FBXW11: variants seen among roughly 807,000 people sequenced by gnomAD.
FBXW11 encodes the protein F-box/WD repeat-containing protein 11.
A neutral mutation model predicts 77.6 loss-of-function variants in FBXW11; 19 were observed. The observed-to-expected ratio is 0.24, with a 90% CI of 0.17 to 0.36. The LOEUF (loss-of-function observed/expected upper bound fraction) is 0.36. Ranked by LOEUF, FBXW11 falls within the 10% of genes least tolerant of loss-of-function variation. The probability of loss-of-function intolerance (pLI) is 1.00; values close to 1 mark genes in which losing one functional copy is unlikely to be tolerated. For missense variants in FBXW11, 334 were observed against 704.2 expected, an observed-to-expected ratio of 0.47 and a Z score of 5.95; for synonymous variants, 235 against 249.4, an observed-to-expected ratio of 0.94 and a Z score of 0.54.
chr5:171,901,758 GT>G (rs1279929144), intron 4 of FBXW11, among the ~76,000 whole-genome samples: 8 of 152,176 alleles, frequency 5.3e-5, no homozygotes, highest in Admixed American at 5.2e-4. Context: ...TGCACAGCTA[GT>G]TGGAAAGGTG....
chr5:171,891,046 A>C (rs2113841990), intron 7 of FBXW11, among the ~76,000 whole-genome samples: 1 of 152,350 alleles, frequency 6.6e-6, no homozygotes, highest in Non-Finnish European at 1.5e-5. Flanking sequence ...AAAATAATCC[A>C]GTTTATCTAC....
chr5:171,922,320 A>G (rs1403531865), intron 2 of FBXW11, among the ~76,000 whole-genome samples: 1 of 152,232 alleles, frequency 6.6e-6, no homozygotes, highest in Non-Finnish European at 1.5e-5. Flanking sequence ...TAAATTCCAA[A>G]GATAAATACA....
Position 172,003,556 on chromosome 5 carries a change from G to A in FBXW11, c.45+2902C>T, listed in dbSNP as rs1055740376. Among the ~76,000 whole-genome samples the A allele has an allele frequency of 4.9e-4, 75 of 152,074 alleles. 1 individual carries two copies. Among genetic ancestry groups the A allele is most frequent in the Admixed American group, 4.9e-3 (75 of 15,264 alleles). On this transcript the variant is annotated intron_variant, in intron 1 of 13. Transcript: ENST00000517395. ...AATATAAGGCCCTAAAAGTCATCTG[G>A]CGGTTAAATTATTTACCATTAGTAA...
At chr5:171,912,047 G>A (rs971875571) in intron 3 of FBXW11, among the ~76,000 whole-genome samples, 1 of 152,158 alleles carries the variant, frequency 6.6e-6, no homozygotes, top group African/African-American at 2.4e-5. Flanking sequence ...CTTATCTCAG[G>A]AGTCTTACAT....
chr5:171,885,401 G>A (rs958138443), intron 7 of FBXW11, among the ~76,000 whole-genome samples: 1 of 152,030 alleles, frequency 6.6e-6, no homozygotes, highest in Non-Finnish European at 1.5e-5. Flanking sequence ...TTTCAATTAC[G>A]GTTCAGGTTA....
chr5:171,981,780 G>A (rs1053057284), intron 1 of FBXW11, among the ~76,000 whole-genome samples: 7 of 152,132 alleles, frequency 4.6e-5, no homozygotes, highest in African/African-American at 1.2e-4. Context: ...ATAGCCAAAC[G>A]CAGGAAACAG....
At chr5:171,977,167 C>T (rs1448142093) in intron 1 of FBXW11, among the ~76,000 whole-genome samples, 1 of 151,630 alleles carries the variant, frequency 6.6e-6, no homozygotes, top group African/African-American at 2.4e-5. Context: ...TAGGGAGACC[C>T]CACCTTCACA....
intron 7 of FBXW11, among the ~76,000 whole-genome samples, chr5:171,881,648 G>A (rs560269384): frequency 6.6e-6 from 1 of 152,190 alleles, no homozygotes; most frequent in African/African-American, 2.4e-5. Context: ...AGATTGTAGA[G>A]AACTGGTGTA....
At chr5:171,968,536 C>G (rs573497616) in intron 1 of FBXW11, among the ~76,000 whole-genome samples, 91 of 151,988 alleles carry the variant, frequency 6.0e-4, no homozygotes, top group South Asian at 1.5e-3. Context: ...CTTCTGGCTT[C>G]TAGATAGCTA....
rs1353865031 is a variant in FBXW11, at chr5:171,916,595, T to C, written c.148-2190A>G. On this transcript the variant is annotated intron_variant, in intron 2 of 13. Transcript: ENST00000517395. ...GAGGTCTCTCCATGTAATCTTTTCATTGCTATCTTGAAGGGACCTAAGAGT... is the reference window on the plus strand; with the variant it reads ...GAGGTCTCTCCATGTAATCTTTTCACTGCTATCTTGAAGGGACCTAAGAGT... The C allele has an allele frequency of 1.8e-5, 7 of 379,710 alleles. No individual in the cohort carries two copies. In the South Asian group the frequency reaches 5.5e-4, roughly 30 times the overall value. 23.5% of individuals were successfully genotyped at this position (379,710 alleles called of 1,614,324 possible).
intron 1 of FBXW11, among the ~76,000 whole-genome samples, chr5:171,974,056 A>T (rs1764680948): frequency 6.6e-6 from 1 of 152,204 alleles, no homozygotes; most frequent in Non-Finnish European, 1.5e-5. Flanking sequence ...AATGTTTCCC[A>T]AAGTTTGGTA....
Position 171,954,567 on chromosome 5 carries a change from G to C in FBXW11, c.147+3030C>G, listed in dbSNP as rs930673445. ...TATTTGCTATAACAATCAACTGGTTGAATCAGGACATCTGAGGCAAATGAA... is the reference window on the plus strand; with the variant it reads ...TATTTGCTATAACAATCAACTGGTTCAATCAGGACATCTGAGGCAAATGAA... On this transcript the variant is annotated intron_variant, in intron 2 of 13. Transcript: ENST00000517395. Among the ~76,000 whole-genome samples, 4 of 152,192 alleles carry C rather than the reference G, an allele frequency of 2.6e-5. No homozygotes were observed. In the South Asian group the frequency reaches 8.3e-4, roughly 31 times the overall value.
At chr5:171,893,598 T>G (rs1406199651) in intron 6 of FBXW11, among the ~76,000 whole-genome samples, 1 of 152,076 alleles carries the variant, frequency 6.6e-6, no homozygotes, top group Non-Finnish European at 1.5e-5. Context: ...TTTTAGATAG[T>G]GACTGTGCCA....
At chr5:171,934,543 GGT>G (rs1762371919) in intron 2 of FBXW11, among the ~76,000 whole-genome samples, 1 of 151,866 alleles carries the variant, frequency 6.6e-6, no homozygotes, top group African/African-American at 2.4e-5. Context: ...CAGGTGTGGT[GGT>G]GCACACCTGA....
intron 1 of FBXW11, among the ~76,000 whole-genome samples, chr5:171,965,520 T>C (rs1016417300): frequency 4.1e-4 from 61 of 149,786 alleles, no homozygotes; most frequent in Middle Eastern, 3.4e-3. Flanking sequence ...AGTGAGACTC[T>C]TGTCTTTAAA....
chr5:171,887,945 C>T (rs1273464035), intron 7 of FBXW11, among the ~76,000 whole-genome samples: 1 of 152,200 alleles, frequency 6.6e-6, no homozygotes, highest in Non-Finnish European at 1.5e-5. Context: ...AGGCATGAGC[C>T]ACCACACCCG....
chr5:171,899,348 TA>T (rs1363531415), intron 5 of FBXW11, among the ~76,000 whole-genome samples: 2 of 152,166 alleles, frequency 1.3e-5, no homozygotes, highest in Non-Finnish European at 2.9e-5. Context: ...CCATAGAGTT[TA>T]ATAAAAAGCG....
intron 13 of FBXW11, among the ~76,000 whole-genome samples, chr5:171,867,431 A>G (rs1050516383): frequency 1.3e-5 from 2 of 152,062 alleles, no homozygotes; most frequent in African/African-American, 4.8e-5. Flanking sequence ...AAATGTAAAA[A>G]CTATTCTTAG....
chr5:171,988,124 G>A (rs1765541889), intron 1 of FBXW11, among the ~76,000 whole-genome samples: 1 of 152,126 alleles, frequency 6.6e-6, no homozygotes, highest in South Asian at 2.1e-4. Context: ...GAAATAACAT[G>A]AACTCACGGT....
Sources: allele counts gnomAD v4.1 joint callset (sites outside exome capture counted in the v4.1 genomes callset), GRCh38; gene constraint gnomAD v4.1.1; transcripts MANE v1.5; gene names NCBI Gene and HGNC (gene_info 2026-07-23, HGNC 2026-07-21).